Variants in VMA12 observed in about 807,000 individuals in gnomAD.
VMA12 encodes vacuolar ATPase assembly factor VMA12.
the VMA12 span, chr17:28,359,226 G>C: frequency 2.9e-6 from 4 of 1,358,812 alleles, no homozygotes; most frequent in Admixed American, 7.2e-5. Context: ...GATACCTTTA[G>C]CAGTGCTTTA....
the VMA12 span, chr17:28,357,734 G>C: frequency 6.2e-6 from 10 of 1,613,502 alleles, no homozygotes; most frequent in African/African-American, 8.0e-5. Context: ...CGGGGAGCTG[G>C]AGCCAGAGCG....
the VMA12 span, chr17:28,359,451 A>G: frequency 6.4e-7 from 1 of 1,556,428 alleles, no homozygotes; most frequent in Middle Eastern, 1.7e-4. Flanking sequence ...CCCTCAGAGT[A>G]GGGCCCTGCA....
At chr17:28,361,087 A>T in the VMA12 span, 1 of 1,484,296 alleles carries the variant, frequency 6.7e-7, no homozygotes, top group Non-Finnish European at 9.3e-7. Flanking sequence ...CTCCATCCTC[A>T]TTAAAGTTGC....
the VMA12 span, chr17:28,363,343 T>G: frequency 6.6e-6 from 1 of 152,138 alleles, no homozygotes; most frequent in Non-Finnish European, 1.5e-5. Context: ...TCCTAAACCC[T>G]TCAATTAACT....
At chr17:28,357,701 T>G in the VMA12 span, 1 of 1,612,948 alleles carries the variant, frequency 6.2e-7, no homozygotes, top group Non-Finnish European at 8.5e-7. Flanking sequence ...GGGCGAGCGA[T>G]TGGTGCGTGC....
the VMA12 span, chr17:28,362,905 GC>G: frequency 6.6e-6 from 1 of 152,166 alleles, no homozygotes; most frequent in Non-Finnish European, 1.5e-5. Context: ...AGCCACTCCT[GC>G]CTCACTGTGC....
At chr17:28,358,206 A>T in the VMA12 span, 1 of 409,380 alleles carries the variant, frequency 2.4e-6, no homozygotes, top group Non-Finnish European at 4.7e-6. Flanking sequence ...CCACTTTAGG[A>T]ATCAGCTTAG....
At chr17:28,358,084 T>A in the VMA12 span, 28 of 606,980 alleles carry the variant, frequency 4.6e-5, no homozygotes, top group Non-Finnish European at 7.5e-5. Context: ...CAGTTTCTGC[T>A]CTTTTGAGAG....
chr17:28,361,443 A>T, the VMA12 span: 1 of 590,708 alleles, frequency 1.7e-6, no homozygotes, highest in South Asian at 2.0e-5. Flanking sequence ...ATTGGAGGAG[A>T]TTGAGATAAC....
At chr17:28,358,993 T>C in the VMA12 span, 8 of 1,609,304 alleles carry the variant, frequency 5.0e-6, no homozygotes, top group East Asian at 1.8e-4. Context: ...TCCACGGGTA[T>C]GTAAGGGATA....
the VMA12 span, chr17:28,358,422 G>T: frequency 8.7e-5 from 41 of 472,166 alleles, no homozygotes; most frequent in South Asian, 6.0e-4. Context: ...CTGGGCCTCA[G>T]TTCCCTTATG....
At chr17:28,360,456 GC>G in the VMA12 span, 1 of 1,247,370 alleles carries the variant, frequency 8.0e-7, no homozygotes, top group Non-Finnish European at 1.1e-6. Flanking sequence ...AATAGAGAGG[GC>G]TGAGCCAGAC....
chr17:28,357,869 C>T, the VMA12 span: 1 of 1,614,022 alleles, frequency 6.2e-7, no homozygotes, highest in Non-Finnish European at 8.5e-7. Context: ...GCACCAGCAT[C>T]TGAGAGAAAG....
chr17:28,360,462 C>CG, the VMA12 span: 1 of 1,348,412 alleles, frequency 7.4e-7, no homozygotes, highest in Non-Finnish European at 9.9e-7. Context: ...GAGGGCTGAG[C>CG]CAGACTGTCA....
the VMA12 span, chr17:28,359,105 A>G: frequency 3.7e-6 from 4 of 1,087,208 alleles, no homozygotes; most frequent in East Asian, 1.0e-4. Flanking sequence ...AATCTTTGGG[A>G]TCTGGGGGAG....
At chr17:28,358,468 G>A in the VMA12 span, 1 of 472,368 alleles carries the variant, frequency 2.1e-6, no homozygotes, top group African/African-American at 2.0e-5. Flanking sequence ...TAGCACATAA[G>A]GTATTTTGCC....
chr17:28,359,463 T>C, the VMA12 span: 3 of 1,500,028 alleles, frequency 2.0e-6, no homozygotes, highest in Admixed American at 1.7e-5. Context: ...GGCCCTGCAG[T>C]GGAAGAAGAT....
the VMA12 span, chr17:28,357,686 C>A: frequency 1.1e-5 from 18 of 1,612,682 alleles, no homozygotes; most frequent in East Asian, 3.8e-4. Flanking sequence ...GTCCTCTTTG[C>A]TTGCGGGCGA....
the VMA12 span, chr17:28,360,971 G>T: frequency 1.1e-6 from 1 of 928,088 alleles, no homozygotes; most frequent in Non-Finnish European, 1.7e-6. Flanking sequence ...TTAATAAGGG[G>T]AGCATTAGAG....
Sources: gnomAD v4.1 joint callset for allele counts on GRCh38, gnomAD v4.1.1 for gene constraint, MANE v1.5 for transcripts, NCBI Gene and HGNC (gene_info 2026-07-23, HGNC 2026-07-21) for gene names.